Variants in TLE1 observed in about 807,000 individuals in gnomAD.
TLE1 encodes the protein TLE family member 1, transcriptional corepressor.
A neutral mutation model predicts 89.8 loss-of-function variants in TLE1; 21 were observed. The ratio of observed to expected loss-of-function variants is 0.23; its 90% CI spans 0.17 to 0.34. TLE1 has a LOEUF of 0.34. Among genes scored for constraint, TLE1 ranks in the 10% least tolerant of loss-of-function variants. The pLI, the probability that TLE1 is intolerant of heterozygous loss-of-function variation, is 1.00. For synonymous variants in TLE1, 447 were observed against 407.6 expected (o/e 1.10, Z -1.16); for missense variants, 795 against 1,031.2 (o/e 0.77, Z 3.14).
In TLE1 at chr9:81,634,367, G is replaced by GAT. The variant is rs146866389; in HGVS notation, c.373-68_373-67dup. 4.0e-3 allele frequency: 5,207 copies of GAT among 1,316,250 alleles called. 167 individuals are homozygous for GAT. In the African/African-American group the frequency reaches 0.067, roughly 17 times the overall value. The allele number at this position is 1,316,250 out of a possible 1,614,324, so 81.5% of individuals were successfully genotyped here. A position where few individuals can be genotyped will look rare whatever the true frequency, so the allele number is the denominator to read the frequency against. ...AGGAGGTAGTGGTGACAGTGATGGC[G>GAT]ATGGAGGCGGCATCCAGGGGAAAAC... On this transcript the variant is annotated intron_variant, in intron 6 of 19. Transcript: ENST00000376499.
chr9:81,615,181 G>A (rs1320596566), intron 11 of TLE1, among the ~76,000 whole-genome samples: 1 of 148,982 alleles, frequency 6.7e-6, no homozygotes, highest in Non-Finnish European at 1.5e-5. Flanking sequence ...ATGTATGGTG[G>A]TACCAGGCGT....
chr9:81,650,309 G>A (rs953773804), intron 6 of TLE1, among the ~76,000 whole-genome samples: 4 of 152,186 alleles, frequency 2.6e-5, no homozygotes, highest in Non-Finnish European at 4.4e-5. Context: ...GAGCTGGGCG[G>A]TGCCTTTGAG....
chr9:81,687,415 C>T lies in TLE1; in HGVS notation c.44G>A (p.Gly15Asp), dbSNP rs781641234. The change falls in exon 2 of 20, where the codon GGC (glycine) becomes GAC (aspartate). Residue 15 changes from glycine (G) to aspartate (D), a missense_variant. Gly to Asp is a moderately conservative substitution (Grantham distance 94, BLOSUM62 -1). Around this residue, in one of 4 missense-constraint regions of TLE1, gnomAD observed 47 missense variants for 48.5 expected, o/e 0.97. Coordinates refer to ENST00000376499, the MANE Select transcript of TLE1 (RefSeq NM_005077.5). ...CGGGATAGTGAACTTGAAGGGCTGG[C>T]CTGCAGCCTGGTGCGGCGTCTGGGG... The part of the protein sequence containing the change: ...SRHPTPHQAA[G>D]QPFKFTIPES... 17 of 1,610,890 alleles carry T rather than the reference C, an allele frequency of 1.1e-5. No homozygotes were observed. In the East Asian group the frequency reaches 3.8e-4, roughly 36 times the overall value.
In TLE1 at chr9:81,610,650, C is replaced by A. The variant is rs138111096; in HGVS notation, c.1255-354G>T. ...TATTGACATTTGGGGCCAAACAGTT[C>A]TTTTCTTTGTTAGGGGCCGTCCTGG... On this transcript the variant is annotated intron_variant, in intron 13 of 19. Coordinates refer to ENST00000376499, the MANE Select transcript of TLE1 (RefSeq NM_005077.5). 4.1e-4 allele frequency among the ~76,000 whole-genome samples: 63 copies of A among 152,216 alleles called. 3 individuals carry two copies. The East Asian group carries it at 0.01, about 25-fold the overall frequency.
At chr9:81,628,420 G>A (rs1340601499) in intron 8 of TLE1, among the ~76,000 whole-genome samples, 1 of 152,190 alleles carries the variant, frequency 6.6e-6, no homozygotes, top group Admixed American at 6.5e-5. Flanking sequence ...CTCCGGGAAT[G>A]AACGTGATTT....
At chr9:81,681,207 C>T (rs1414471062) in intron 4 of TLE1, among the ~76,000 whole-genome samples, 6 of 152,090 alleles carry the variant, frequency 3.9e-5, no homozygotes, top group Admixed American at 3.9e-4. Flanking sequence ...CAGAATATAT[C>T]ATCCTTCCTT....
chr9:81,663,718 G>A (rs1831113274), intron 4 of TLE1, among the ~76,000 whole-genome samples: 1 of 151,550 alleles, frequency 6.6e-6, no homozygotes, highest in South Asian at 2.1e-4. Flanking sequence ...TGCCTCCCGG[G>A]TTCACGCCAT....
intron 14 of TLE1, among the ~76,000 whole-genome samples, chr9:81,603,988 C>T (rs1587924494): frequency 6.6e-6 from 1 of 152,076 alleles, no homozygotes; most frequent in African/African-American, 2.4e-5. Flanking sequence ...GATGACAGAA[C>T]GAGACTTTGT....
intron 14 of TLE1, among the ~76,000 whole-genome samples, chr9:81,597,641 T>TCTGAATC (rs1830408060): frequency 1.3e-5 from 2 of 152,132 alleles, no homozygotes; most frequent in African/African-American, 2.4e-5. Flanking sequence ...CACCTAGCTT[T>TCTGAATC]CTGAATCAAG....
In TLE1 at chr9:81,609,257, G is replaced by T. The variant is rs563515291; in HGVS notation, c.1331+963C>A. On this transcript the variant is annotated intron_variant, in intron 14 of 19. Transcript: ENST00000376499. ...ATACCACCACGCCCAGCTAATTTTTGTATTTTTAGTAGAGACGGGGTTTCG... is the reference window on the plus strand; with the variant it reads ...ATACCACCACGCCCAGCTAATTTTTTTATTTTTAGTAGAGACGGGGTTTCG... Among the ~76,000 whole-genome samples the T allele has an allele frequency of 8.6e-4, 131 of 152,182 alleles. 1 individual carries two copies. Among genetic ancestry groups the T allele is most frequent in the African/African-American group, 2.6e-3 (109 of 41,532 alleles).
In TLE1 at chr9:81,611,645, G is replaced by A. The variant is rs551911490; in HGVS notation, c.1254+124C>T. 4.4e-4 allele frequency: 413 copies of A among 941,580 alleles called. 1 individual carries two copies. The African/African-American group carries it at 6.5e-3, about 15-fold the overall frequency. The allele number at this position is 941,580 out of a possible 1,614,324, so 58.3% of individuals were successfully genotyped here. A position where few individuals can be genotyped will look rare whatever the true frequency, so the allele number is the denominator to read the frequency against. Reference sequence around the variant, plus strand: ...TGGGAGACTGGGCGTCTTTGTCTCCGAGGTGTGTGGGGCTGGCTGCTCCTG... The same window carrying A: ...TGGGAGACTGGGCGTCTTTGTCTCCAAGGTGTGTGGGGCTGGCTGCTCCTG... On this transcript the variant is annotated intron_variant, in intron 13 of 19. Coordinates refer to ENST00000376499, the MANE Select transcript of TLE1 (RefSeq NM_005077.5).
chr9:81,648,562 TG>T (rs1829158113), intron 6 of TLE1, among the ~76,000 whole-genome samples: 1 of 152,194 alleles, frequency 6.6e-6, no homozygotes. Context: ...CTCGATTATC[TG>T]TGATGTAAAG....
intron 7 of TLE1, chr9:81,633,635 T>C (rs1564000980): frequency 1.8e-6 from 1 of 541,074 alleles, no homozygotes; most frequent in Non-Finnish European, 3.2e-6. Context: ...AAAAAATTAG[T>C]CAAGTGCAAT....
chr9:81,670,391 T>TAA (rs1832062858), intron 4 of TLE1, among the ~76,000 whole-genome samples: 1 of 152,068 alleles, frequency 6.6e-6, no homozygotes, highest in Admixed American at 6.5e-5. Flanking sequence ...AGTGGGGCAA[T>TAA]CTTGGCTCAC....
intron 11 of TLE1, among the ~76,000 whole-genome samples, chr9:81,614,636 C>T (rs1216686356): frequency 1.3e-5 from 2 of 152,088 alleles, no homozygotes; most frequent in South Asian, 2.1e-4. Context: ...GGGATAATGC[C>T]TACCGGGACC....
chr9:81,616,697 G>A lies in TLE1; in HGVS notation c.714C>T (p.Asp238=). 6.2e-7 allele frequency: 1 copy of A among 1,613,870 alleles called. No homozygotes were observed. ...TGTCATCGCTTTTGTCACCATCACT[G>A]TCCTGGAAAAAAGAAACATTAACGC... The part of the protein sequence containing the change: ...KVDDKDSSHY[D]SDGDKSDDNL... The change falls in exon 10 of 20, where the codon GAC becomes GAT. Residue 238 remains aspartate (D), a splice_region_variant and synonymous_variant. Transcript: ENST00000376499.
intron 6 of TLE1, among the ~76,000 whole-genome samples, chr9:81,649,592 C>A (rs1829288752): frequency 6.6e-6 from 1 of 152,166 alleles, no homozygotes; most frequent in South Asian, 2.1e-4. Flanking sequence ...ATTACTATTT[C>A]TTTTCTTAGC....
At chr9:81,662,165 A>G (rs1830878674) in intron 4 of TLE1, among the ~76,000 whole-genome samples, 1 of 152,224 alleles carries the variant, frequency 6.6e-6, no homozygotes, top group African/African-American at 2.4e-5. Flanking sequence ...CCATCTACCG[A>G]GTTTTTGAGA....
At chr9:81,634,409 G>A in intron 6 of TLE1, 108 bp from the exon 7 acceptor site, 1 of 915,330 alleles carries the variant, frequency 1.1e-6, no homozygotes, top group Non-Finnish European at 1.6e-6. Context: ...GACAGGAGGG[G>A]AAGGCGGAAA....
Sources: gnomAD v4.1 joint callset for allele counts (sites outside exome capture counted in the v4.1 genomes callset) on GRCh38, gnomAD v4.1.1 for gene constraint, gnomAD v4.1.1 regional missense constraint, MANE v1.5 for transcripts, NCBI Gene and HGNC (gene_info 2026-07-23, HGNC 2026-07-21) for gene names.